Variants in SEMA5A observed in about 807,000 individuals in gnomAD.
SEMA5A encodes semaphorin-5A.
SEMA5A carries 55 observed loss-of-function variants against 135.5 expected under a neutral mutation model. That is an observed-to-expected ratio of 0.41 (90% CI 0.33 to 0.51). The LOEUF (loss-of-function observed/expected upper bound fraction) is 0.51, where lower values mean the gene tolerates loss of function less well. Among genes scored for constraint, SEMA5A ranks in the 20% least tolerant of loss-of-function variants. The pLI, the probability that SEMA5A is intolerant of heterozygous loss-of-function variation, is 0.37. For missense variants in SEMA5A, 1,290 were observed against 1,419.9 expected (o/e 0.91, Z 1.47); for synonymous variants, 580 against 546.5 (o/e 1.06, Z -0.85).
intron 15 of SEMA5A, among the ~76,000 whole-genome samples, chr5:9,111,073 A>G (rs1740215232): frequency 6.6e-6 from 1 of 152,238 alleles, no homozygotes; most frequent in Admixed American, 6.5e-5. Flanking sequence ...GAGAAAATTG[A>G]CACTTGTTTT....
intron 3 of SEMA5A, among the ~76,000 whole-genome samples, chr5:9,377,836 A>C (rs1489014242): frequency 6.6e-6 from 1 of 152,108 alleles, no homozygotes; most frequent in Non-Finnish European, 1.5e-5. Flanking sequence ...ACCTGTGGGC[A>C]CCTTTGGTGC....
chr5:9,308,167 G>A (rs545380755), intron 5 of SEMA5A, among the ~76,000 whole-genome samples: 2 of 152,268 alleles, frequency 1.3e-5, no homozygotes, highest in African/African-American at 4.8e-5. Context: ...ATCATAGTGG[G>A]TGCTATCGGC....
intron 5 of SEMA5A, among the ~76,000 whole-genome samples, chr5:9,264,609 G>T (rs1368606955): frequency 6.6e-6 from 1 of 152,084 alleles, no homozygotes; most frequent in Non-Finnish European, 1.5e-5. Flanking sequence ...GTTGCTGGGG[G>T]TGTGGCATTC....
In SEMA5A at chr5:9,112,899, G is replaced by C. The variant is rs13357749; in HGVS notation, c.1926-4612C>G. 5.9e-4 allele frequency among the ~76,000 whole-genome samples: 90 copies of C among 152,332 alleles called. 1 individual carries two copies. Among genetic ancestry groups the C allele is most frequent in the African/African-American group, 2.0e-3 (83 of 41,586 alleles). On this transcript the variant is annotated intron_variant, in intron 15 of 22. Coordinates refer to ENST00000382496, the MANE Select transcript of SEMA5A (RefSeq NM_003966.3). ...GAGAACTTTCTCCCTTGTTGGCTTTGAGGAAGCAAGCAAAAAGGTGAGAAG... is the reference window on the plus strand; with the variant it reads ...GAGAACTTTCTCCCTTGTTGGCTTTCAGGAAGCAAGCAAAAAGGTGAGAAG...
chr5:9,144,124 A>G (rs773140478), intron 12 of SEMA5A, among the ~76,000 whole-genome samples: 15 of 152,240 alleles, frequency 9.9e-5, no homozygotes, highest in Admixed American at 2.0e-4. Flanking sequence ...CACCATTGGT[A>G]TTCCACATTC....
intron 1 of SEMA5A, among the ~76,000 whole-genome samples, chr5:9,533,492 TA>T (rs1673793288): frequency 6.6e-6 from 1 of 152,258 alleles, no homozygotes; most frequent in Non-Finnish European, 1.5e-5. Context: ...ATTTTAGGTA[TA>T]AAATATTCAT....
At chr5:9,317,176 T>C (rs1561139733) in intron 5 of SEMA5A, among the ~76,000 whole-genome samples, 1 of 152,232 alleles carries the variant, frequency 6.6e-6, no homozygotes, top group Non-Finnish European at 1.5e-5. Context: ...ACTCCAGTTA[T>C]GTACTAAATT....
At chr5:9,097,643 T>C (rs1739392783) in intron 16 of SEMA5A, among the ~76,000 whole-genome samples, 2 of 152,164 alleles carry the variant, frequency 1.3e-5, no homozygotes, top group South Asian at 2.1e-4. Context: ...GCAGAGCTAA[T>C]ATCAATTAGA....
chr5:9,109,015 T>C (rs1308703803), intron 15 of SEMA5A, among the ~76,000 whole-genome samples: 5 of 149,934 alleles, frequency 3.3e-5, no homozygotes, highest in African/African-American at 1.2e-4. Context: ...ATGAGTCATA[T>C]TATTTCTCTT....
intron 3 of SEMA5A, among the ~76,000 whole-genome samples, chr5:9,355,943 TG>T (rs1754423892): frequency 6.6e-6 from 1 of 152,216 alleles, no homozygotes; most frequent in South Asian, 2.1e-4. Context: ...TTCAGAGCGA[TG>T]GCTATGACGA....
At chr5:9,311,903 T>C (rs1752154418) in intron 5 of SEMA5A, among the ~76,000 whole-genome samples, 1 of 151,968 alleles carries the variant, frequency 6.6e-6, no homozygotes, top group African/African-American at 2.4e-5. Flanking sequence ...ACAGATTTCA[T>C]TTTTTCTGCT....
intron 2 of SEMA5A, among the ~76,000 whole-genome samples, chr5:9,418,209 C>T (rs927394195): frequency 1.3e-5 from 2 of 152,074 alleles, no homozygotes; most frequent in Non-Finnish European, 2.9e-5. Flanking sequence ...ATCTCCTGAC[C>T]TCGTGATCCA....
chr5:9,203,100 C>T (rs192048443), intron 8 of SEMA5A, among the ~76,000 whole-genome samples: 42 of 152,202 alleles, frequency 2.8e-4, no homozygotes, highest in South Asian at 6.2e-4. Flanking sequence ...TCCTAACTTC[C>T]GGTTTGAAAC....
intron 19 of SEMA5A, among the ~76,000 whole-genome samples, chr5:9,052,314 C>T (rs1242171192): frequency 6.6e-6 from 1 of 152,144 alleles, no homozygotes; most frequent in African/African-American, 2.4e-5. Context: ...TTTAGACACT[C>T]AATAAGTGAA....
At chr5:9,227,789 A>T (rs40667) in intron 6 of SEMA5A, among the ~76,000 whole-genome samples, 40,014 of 151,994 alleles carry the variant, frequency 0.26, 5,628 homozygotes, top group Middle Eastern at 0.37. Context: ...TGACCTCGTG[A>T]TCTACCTGCC....
At chr5:9,167,773 TC>T (rs1435966185) in intron 11 of SEMA5A, among the ~76,000 whole-genome samples, 5 of 152,164 alleles carry the variant, frequency 3.3e-5, no homozygotes, top group Non-Finnish European at 7.3e-5. Flanking sequence ...TAAATGTCCA[TC>T]TTTTATGGGA....
At chr5:9,163,230 A>T (rs1277720838) in intron 11 of SEMA5A, among the ~76,000 whole-genome samples, 2 of 151,958 alleles carry the variant, frequency 1.3e-5, no homozygotes, top group Non-Finnish European at 2.9e-5. Context: ...AGGGAAACAG[A>T]CGATGAAAAA....
intron 16 of SEMA5A, among the ~76,000 whole-genome samples, chr5:9,072,816 A>G (rs1427424733): frequency 6.6e-6 from 1 of 152,200 alleles, no homozygotes; most frequent in East Asian, 1.9e-4. Flanking sequence ...TAAATTCACA[A>G]TGTCTTGCAT....
chr5:9,078,126 T>C (rs916478191), intron 16 of SEMA5A, among the ~76,000 whole-genome samples: 1 of 152,182 alleles, frequency 6.6e-6, no homozygotes, highest in Non-Finnish European at 1.5e-5. Flanking sequence ...TCTCACTCTC[T>C]GAGAGCAAAA....
Sources: allele counts gnomAD v4.1 joint callset (sites outside exome capture counted in the v4.1 genomes callset), GRCh38; gene constraint gnomAD v4.1.1; transcripts MANE v1.5; gene names NCBI Gene and HGNC (gene_info 2026-07-23, HGNC 2026-07-21).